The following SLC44A5 variants were observed in gnomAD, a reference collection of about 807,000 sequenced individuals.
SLC44A5 encodes solute carrier family 44 member 5.
In SLC44A5, 57 loss-of-function variants were observed where a neutral mutation model predicts 101.8. That is an observed-to-expected ratio of 0.56 (90% CI 0.45 to 0.70). The LOEUF (loss-of-function observed/expected upper bound fraction) is 0.70. Among genes scored for constraint, SLC44A5 ranks in the 30% least tolerant of loss-of-function variants. SLC44A5 has a pLI of 0.00. For synonymous variants in SLC44A5, 281 were observed against 290.9 expected, an observed-to-expected ratio of 0.97 and a Z score of 0.35; for missense variants, 737 against 853.1, an observed-to-expected ratio of 0.86 and a Z score of 1.70.
At chr1:75,283,167 A>T (rs1197187451) in intron 5 of SLC44A5, among the ~76,000 whole-genome samples, 2 of 150,464 alleles carry the variant, frequency 1.3e-5, no homozygotes, top group African/African-American at 2.4e-5. Context: ...ATCAGCATCT[A>T]TTTTTTTTTT....
At chr1:75,411,744 G>A (rs1463780547) in intron 2 of SLC44A5, among the ~76,000 whole-genome samples, 2 of 152,082 alleles carry the variant, frequency 1.3e-5, no homozygotes, top group African/African-American at 4.8e-5. Flanking sequence ...TATAGGGACA[G>A]ATTGTTCTAT....
At position 75,376,739 on chromosome 1, in the gene SLC44A5, G is replaced by A. The variant is rs1660649169; in HGVS notation, c.52+19844C>T. Among the ~76,000 whole-genome samples, 10 of 152,260 alleles carry A rather than the reference G, an allele frequency of 6.6e-5. No homozygotes were observed. The South Asian group carries it at 1.7e-3, about 25-fold the overall frequency. ...ACCACAAAGATGGGGAAAAAACAGA[G>A]CAGAAAAACTGGAAACTCTAAAAAG... On this transcript the variant is annotated intron_variant, in intron 3 of 23. Transcript: ENST00000370859.
At chr1:75,682,724 G>C in the SLC44A5 span, among the ~76,000 whole-genome samples, 2 of 150,246 alleles carry the variant, frequency 1.3e-5, no homozygotes, top group African/African-American at 4.9e-5. Flanking sequence ...AACACCAAAA[G>C]CAATGGCAAC....
the SLC44A5 span, among the ~76,000 whole-genome samples, chr1:75,673,032 T>C: frequency 1.3e-5 from 2 of 152,146 alleles, no homozygotes; most frequent in African/African-American, 4.8e-5. Flanking sequence ...TTCCTAGCTA[T>C]GGTGGTTTTG....
At chr1:75,515,490 A>G (rs1047802640) in intron 2 of SLC44A5, among the ~76,000 whole-genome samples, 1 of 152,046 alleles carries the variant, frequency 6.6e-6, no homozygotes, top group Non-Finnish European at 1.5e-5. Context: ...TGTTAGTTCA[A>G]CTGTTTTAGA....
intron 1 of SLC44A5, among the ~76,000 whole-genome samples, chr1:75,578,816 A>G (rs1337079826): frequency 6.6e-6 from 1 of 152,200 alleles, no homozygotes; most frequent in East Asian, 1.9e-4. Context: ...ATGTGAGGTG[A>G]CAGATATGTT....
chr1:75,422,175 A>C (rs1235493572), intron 2 of SLC44A5, among the ~76,000 whole-genome samples: 1 of 152,224 alleles, frequency 6.6e-6, no homozygotes, highest in Non-Finnish European at 1.5e-5. Flanking sequence ...GCACACATGG[A>C]AAAGCAAACG....
chr1:75,243,045 A>T (rs1275191937), intron 7 of SLC44A5, 34 bp from the exon 8 acceptor site: 1 of 1,574,434 alleles, frequency 6.4e-7, no homozygotes, highest in East Asian at 2.3e-5. Context: ...AACTGAACTG[A>T]GTTGAACAAA....
chr1:75,259,264 G>T (rs569569159), intron 6 of SLC44A5, among the ~76,000 whole-genome samples: 1 of 152,278 alleles, frequency 6.6e-6, no homozygotes, highest in African/African-American at 2.4e-5. Context: ...CCCAATGCAA[G>T]GAAGCTAAGA....
chr1:75,554,026 T>A (rs906218410), intron 1 of SLC44A5, among the ~76,000 whole-genome samples: 23 of 151,926 alleles, frequency 1.5e-4, no homozygotes, highest in Admixed American at 5.3e-4. Flanking sequence ...GGGATAAGAG[T>A]TGAGGCCAAC....
chr1:75,505,605 C>A (rs1216468039), intron 2 of SLC44A5, among the ~76,000 whole-genome samples: 1 of 152,040 alleles, frequency 6.6e-6, no homozygotes, highest in South Asian at 2.1e-4. Flanking sequence ...TGATGATTAA[C>A]GGTATGGAGC....
At chr1:75,540,269 C>G (rs116598980) in intron 2 of SLC44A5, among the ~76,000 whole-genome samples, 1 of 152,116 alleles carries the variant, frequency 6.6e-6, no homozygotes, top group African/African-American at 2.4e-5. Context: ...TTTACAGATG[C>G]GCAAACAAAT....
intron 6 of SLC44A5, among the ~76,000 whole-genome samples, chr1:75,272,084 C>G (rs1302056959): frequency 6.6e-6 from 1 of 151,980 alleles, no homozygotes; most frequent in Non-Finnish European, 1.5e-5. Flanking sequence ...GGCATTTTTT[C>G]ATATGTTTGT....
At chr1:75,644,867 A>G in the SLC44A5 span, among the ~76,000 whole-genome samples, 2 of 143,060 alleles carry the variant, frequency 1.4e-5, no homozygotes, top group Non-Finnish European at 3.0e-5. Context: ...ATTCCCACCT[A>G]TGAGTGAGAA....
Position 75,396,586 on chromosome 1 carries a change from AGT to A in SLC44A5, c.47_48del (p.Asp16ValfsTer3). 1 of 1,612,290 alleles carries A rather than the reference AGT, an allele frequency of 6.2e-7. No homozygotes were observed. The highest frequency in any genetic ancestry group is 1.3e-5 in the African/African-American group (1 of 74,998). On this transcript the variant is annotated frameshift_variant, in exon 3 of 24. Coordinates refer to ENST00000370859, the MANE Select transcript of SLC44A5 (RefSeq NM_001130058.2). LOFTEE classifies it high-confidence loss of function. ...KPADTPSEEE[D>X]FGDPRTYDPD... ...TAATACTCAGACTATGACTTACCAA[AGT>A]CCTCTTCCTCAGAGGGAGTATCTGC...
At chr1:75,383,342 C>T (rs1331194000) in intron 3 of SLC44A5, among the ~76,000 whole-genome samples, 2 of 143,084 alleles carry the variant, frequency 1.4e-5, no homozygotes, top group Admixed American at 1.4e-4. Flanking sequence ...ACGCTGGTTC[C>T]CCGGTTCCCC....
At chr1:75,345,971 A>G (rs947220282) in intron 3 of SLC44A5, among the ~76,000 whole-genome samples, 16 of 152,282 alleles carry the variant, frequency 1.1e-4, no homozygotes, top group Middle Eastern at 3.4e-3. Context: ...GAGGTAATTC[A>G]GGAAGCATTA....
chr1:75,658,860 A>G, the SLC44A5 span, among the ~76,000 whole-genome samples: 1 of 152,116 alleles, frequency 6.6e-6, no homozygotes, highest in Admixed American at 6.5e-5. Context: ...AAAGATAAAT[A>G]AAATTTTAAA....
At chr1:75,478,272 C>A (rs1256331309) in intron 2 of SLC44A5, among the ~76,000 whole-genome samples, 2 of 152,138 alleles carry the variant, frequency 1.3e-5, no homozygotes, top group Admixed American at 1.3e-4. Context: ...TGGAAAGGAA[C>A]AACCAGTACC....
Sources: allele counts gnomAD v4.1 joint callset (sites outside exome capture counted in the v4.1 genomes callset), GRCh38; gene constraint gnomAD v4.1.1; transcripts MANE v1.5; gene names NCBI Gene and HGNC (gene_info 2026-07-23, HGNC 2026-07-21).